The following GUCY1A1 variants were observed in gnomAD, a reference collection of about 807,000 sequenced individuals.
The protein encoded by GUCY1A1 is guanylate cyclase 1 soluble subunit alpha 1.
GUCY1A1 carries 48 observed loss-of-function variants against 64.5 expected under a neutral mutation model. The ratio of observed to expected loss-of-function variants is 0.74; its 90% CI spans 0.59 to 0.95. The LOEUF is 0.95. GUCY1A1 is among the 40% of genes least tolerant of loss of function. The pLI, the probability that GUCY1A1 is intolerant of heterozygous loss-of-function variation, is 0.00. For missense variants in GUCY1A1, 804 were observed against 825.3 expected (o/e 0.97, Z 0.32); for synonymous variants, 308 against 303.4 (o/e 1.02, Z -0.16).
intron 7 of GUCY1A1, among the ~76,000 whole-genome samples, chr4:155,715,916 T>A (rs528747609): frequency 1.1e-4 from 16 of 152,152 alleles, no homozygotes; most frequent in Admixed American, 5.2e-4. Context: ...ATAAAGTAGG[T>A]TAAGGGGAAG....
intron 5 of GUCY1A1, among the ~76,000 whole-genome samples, chr4:155,709,331 AC>A (rs1456210944): frequency 6.6e-6 from 1 of 150,508 alleles, no homozygotes; most frequent in Non-Finnish European, 1.5e-5. Context: ...CACCATACCC[AC>A]CCTCCTTTGT....
chr4:155,713,613 T>A (rs1268087983), intron 7 of GUCY1A1, 30 bp downstream of exon 7: 1 of 1,598,932 alleles, frequency 6.3e-7, no homozygotes, highest in Non-Finnish European at 8.6e-7. Context: ...ATAATTGTTT[T>A]ACCAGCAAAC....
intron 3 of GUCY1A1, among the ~76,000 whole-genome samples, chr4:155,702,513 G>A (rs891067230): frequency 6.6e-6 from 1 of 152,102 alleles, no homozygotes; most frequent in Non-Finnish European, 1.5e-5. Context: ...TCTTGAACAT[G>A]TTTCTCAACT....
At chr4:155,670,783 A>C (rs1271813231) in intron 2 of GUCY1A1, among the ~76,000 whole-genome samples, 2 of 152,150 alleles carry the variant, frequency 1.3e-5, no homozygotes, top group Non-Finnish European at 2.9e-5. Context: ...CCATTTTAAA[A>C]ATTGAGGCCA....
In GUCY1A1 at chr4:155,703,969, C is replaced by T. The variant is rs1731412910; in HGVS notation, c.293C>T (p.Ala98Val). ...RLNVALQRTL[A>V]KHKIKESRKS... ...AATGTTGCACTTCAGAGAACATTGG[C>T]AAAGCACAAAATAAAAGAAAGCAGG... Residue 98 changes from alanine to valine, a missense_variant, in exon 4 of 10, where the codon GCA (alanine) becomes GTA (valine). Coordinates refer to ENST00000506455, the MANE Select transcript of GUCY1A1 (RefSeq NM_001130682.3). The T allele has an allele frequency of 1.9e-6, 3 of 1,606,858 alleles. No individual in the cohort carries two copies. The highest frequency in any genetic ancestry group is 2.6e-6 in the Non-Finnish European group (3 of 1,176,120).
rs200108826 is a variant in GUCY1A1, at chr4:155,730,631, G to T, written c.*400G>T. The T allele has an allele frequency of 7.1e-5, 11 of 154,476 alleles. No homozygotes were observed. 9.6% of individuals were successfully genotyped at this position (154,476 alleles called of 1,614,324 possible). A position where few individuals can be genotyped will look rare whatever the true frequency, so the allele number is the denominator to read the frequency against. On this transcript the variant is annotated 3_prime_UTR_variant, in exon 10 of 10. Coordinates refer to ENST00000506455, the MANE Select transcript of GUCY1A1 (RefSeq NM_001130682.3). Reference sequence around the variant, plus strand: ...TTTGTGATAGTGTCGTCAAAAAAAAGGTTTTTGAATAGAAATTACATTCTT... The same window carrying T: ...TTTGTGATAGTGTCGTCAAAAAAAATGTTTTTGAATAGAAATTACATTCTT...
intron 6 of GUCY1A1, among the ~76,000 whole-genome samples, 185 bp from the exon 7 acceptor site, chr4:155,712,913 T>G (rs538522897): frequency 6.6e-6 from 1 of 152,232 alleles, no homozygotes; most frequent in East Asian, 1.9e-4. Flanking sequence ...TACTCTAATA[T>G]ACTCTTCAAA....
chr4:155,669,688 T>A (rs930658774), intron 2 of GUCY1A1, among the ~76,000 whole-genome samples: 3 of 152,150 alleles, frequency 2.0e-5, no homozygotes, highest in African/African-American at 7.2e-5. Context: ...TAAAATATTT[T>A]GTGACCGAAT....
rs1160461087 is a variant in GUCY1A1 at position 155,697,118 on chromosome 4, C to T, written c.251C>T (p.Pro84Leu). 2 of 1,611,962 alleles carry T rather than the reference C, an allele frequency of 1.2e-6. No individual in the cohort carries two copies. Among genetic ancestry groups the T allele is most frequent in the Non-Finnish European group, 1.7e-6 (2 of 1,178,214 alleles). ...GAGAGTATTTGCAAACTGATTTTCCCAGAGGTGAGTGCGTGCTCTTTAGAT... is the reference window on the plus strand; with the variant it reads ...GAGAGTATTTGCAAACTGATTTTCCTAGAGGTGAGTGCGTGCTCTTTAGAT... ...LAESICKLIF[P>L]EFERLNVALQ... Residue 84 changes from proline to leucine, a missense_variant, in exon 3 of 10, where the codon CCA becomes CTA. Coordinates refer to ENST00000506455, the MANE Select transcript of GUCY1A1 (RefSeq NM_001130682.3).
intron 7 of GUCY1A1, among the ~76,000 whole-genome samples, chr4:155,715,050 C>A (rs903105519): frequency 2.0e-5 from 3 of 152,084 alleles, no homozygotes; most frequent in African/African-American, 7.2e-5. Context: ...AGTATCCTGA[C>A]AAGCATTTTG....
At chr4:155,690,060 A>G (rs1198425258) in intron 2 of GUCY1A1, among the ~76,000 whole-genome samples, 1 of 152,218 alleles carries the variant, frequency 6.6e-6, no homozygotes, top group African/African-American at 2.4e-5. Context: ...TCCCAAAATG[A>G]GATTTTAACA....
At chr4:155,724,870 C>T (rs1026690124) in intron 9 of GUCY1A1, among the ~76,000 whole-genome samples, 6 of 152,032 alleles carry the variant, frequency 3.9e-5, no homozygotes, top group African/African-American at 1.4e-4. Flanking sequence ...TTAAAATGAA[C>T]TGGACCGAAT....
rs781278927 is a variant in GUCY1A1 at position 155,717,152 on chromosome 4, T to C, written c.1573-7T>C. 1 of 1,421,472 alleles carries C rather than the reference T, an allele frequency of 7.0e-7. No homozygotes were observed. Among genetic ancestry groups the C allele is most frequent in the Admixed American group, 2.4e-5 (1 of 41,772 alleles). 88.1% of individuals were successfully genotyped at this position (1,421,472 alleles called of 1,614,324 possible). A position where few individuals can be genotyped will look rare whatever the true frequency, so the allele number is the denominator to read the frequency against. The stretch of plus-strand genomic sequence containing the variant: ...TATTTATAGTATGGAAAATATATTA[T>C]GTCTAGGTGGAGACCATTGGCGATG... On this transcript the variant is annotated splice_region_variant and splice_polypyrimidine_tract_variant and intron_variant, in intron 7 of 9. Transcript: ENST00000506455.
chr4:155,697,746 A>C (rs1322929603), intron 3 of GUCY1A1, among the ~76,000 whole-genome samples: 1 of 152,108 alleles, frequency 6.6e-6, no homozygotes, highest in Non-Finnish European at 1.5e-5. Flanking sequence ...TAGGTCTCAC[A>C]CTTCTTCATA....
intron 2 of GUCY1A1, among the ~76,000 whole-genome samples, chr4:155,679,541 T>C (rs564598447): frequency 2.0e-5 from 3 of 152,250 alleles, no homozygotes; most frequent in Admixed American, 6.5e-5. Flanking sequence ...CAGGCTTTTG[T>C]GTAACAGCCA....
intron 9 of GUCY1A1, among the ~76,000 whole-genome samples, chr4:155,723,808 G>T (rs901867489): frequency 6.6e-6 from 1 of 151,840 alleles, no homozygotes; most frequent in Non-Finnish European, 1.5e-5. Context: ...GATTACAGGC[G>T]CCCGCCTCCA....
intron 4 of GUCY1A1, among the ~76,000 whole-genome samples, chr4:155,707,825 T>C (rs1369368196): frequency 2.2e-5 from 2 of 89,002 alleles, no homozygotes; most frequent in African/African-American, 6.0e-5. Context: ...ACTATTTTCT[T>C]TCTTTCTTTC....
intron 4 of GUCY1A1, 90 bp from the exon 5 acceptor site, chr4:155,708,146 C>A (rs1266007200): frequency 1.4e-6 from 1 of 727,306 alleles, no homozygotes; most frequent in Non-Finnish European, 2.4e-6. Flanking sequence ...CTAATTTAAA[C>A]TATTTTCTAT....
chr4:155,673,608 A>G (rs962650121), intron 2 of GUCY1A1, among the ~76,000 whole-genome samples: 3 of 151,408 alleles, frequency 2.0e-5, no homozygotes, highest in Admixed American at 6.6e-5. Context: ...GAAAGGATTC[A>G]CTGCAGGGAT....
Sources: gnomAD v4.1 joint callset for allele counts (sites outside exome capture counted in the v4.1 genomes callset) on GRCh38, gnomAD v4.1.1 for gene constraint, MANE v1.5 for transcripts, NCBI Gene and HGNC (gene_info 2026-07-23, HGNC 2026-07-21) for gene names.